GRIK2: variants seen among roughly 807,000 people sequenced by gnomAD.
GRIK2 encodes glutamate ionotropic receptor kainate type subunit 2.
Under a neutral mutation model 100.3 loss-of-function variants are expected in GRIK2, and 32 were observed. That is an observed-to-expected ratio of 0.32 (90% CI 0.24 to 0.43). The LOEUF (loss-of-function observed/expected upper bound fraction) is 0.43. GRIK2 is among the 20% of genes least tolerant of loss of function. The probability of loss-of-function intolerance (pLI) is 1.00; values close to 1 mark genes in which losing one functional copy is unlikely to be tolerated. For synonymous variants in GRIK2, 417 were observed against 389.4 expected (o/e 1.07, Z -0.83); for missense variants, 843 against 1,114.9 (o/e 0.76, Z 3.47).
chr6:101,911,025 C>T (rs1395322120), intron 12 of GRIK2, among the ~76,000 whole-genome samples: 1 of 147,200 alleles, frequency 6.8e-6, no homozygotes, highest in African/African-American at 2.5e-5. Context: ...ACAAACACTG[C>T]ATTTGTATTA....
intron 14 of GRIK2, among the ~76,000 whole-genome samples, chr6:101,995,338 A>C (rs2128493397): frequency 6.6e-6 from 1 of 152,108 alleles, no homozygotes; most frequent in East Asian, 1.9e-4. Flanking sequence ...AAAGCCAAGT[A>C]ACATTTCAAA....
intron 16 of GRIK2, among the ~76,000 whole-genome samples, chr6:102,066,716 A>G (rs1224170803): frequency 6.6e-6 from 1 of 151,630 alleles, no homozygotes; most frequent in Non-Finnish European, 1.5e-5. Flanking sequence ...AGAGGGCTAG[A>G]TCAGAGAAGT....
Position 101,621,992 on chromosome 6 carries a change from G to A in GRIK2, c.159G>A (p.Glu53=). The A allele has an allele frequency of 6.2e-7, 1 of 1,610,106 alleles. No homozygotes were observed. Among genetic ancestry groups the A allele is most frequent in the Non-Finnish European group, 8.5e-7 (1 of 1,176,552 alleles). ...TGGAATCTGGCCCAATGGGAGCTGA[G>A]GAACTTGCATTCAGATTTGCTGTGA... is the stretch of plus-strand genomic sequence containing the variant. ...EYVESGPMGA[E]ELAFRFAVNT... The change falls in exon 3 of 17, where the codon GAG becomes GAA. Residue 53 remains glutamate, a synonymous_variant. Coordinates refer to ENST00000369134, the MANE Select transcript of GRIK2 (RefSeq NM_021956.5).
chr6:101,652,892 T>C (rs2128329279), intron 4 of GRIK2, among the ~76,000 whole-genome samples: 1 of 151,686 alleles, frequency 6.6e-6, no homozygotes, highest in Non-Finnish European at 1.5e-5. Context: ...AATGCGTTTG[T>C]GTTTGCCATA....
intron 4 of GRIK2, among the ~76,000 whole-genome samples, chr6:101,644,442 CA>C (rs1353893538): frequency 2.0e-5 from 3 of 151,494 alleles, no homozygotes; most frequent in Admixed American, 6.6e-5. Context: ...ACAAATGGAT[CA>C]AAAGAGATCA....
intron 2 of GRIK2, among the ~76,000 whole-genome samples, chr6:101,464,497 C>CTTTCTTTTTTT (rs1771513927): frequency 1.6e-5 from 1 of 62,012 alleles, no homozygotes; most frequent in African/African-American, 6.2e-5. Context: ...CTTTTTCTTT[C>CTTTCTTTTTTT]TTTTTTTTTT....
chr6:101,756,823 A>G (rs1301743193), intron 7 of GRIK2, among the ~76,000 whole-genome samples: 2 of 152,218 alleles, frequency 1.3e-5, no homozygotes, highest in African/African-American at 2.4e-5. Flanking sequence ...CTTGTCTGCC[A>G]GTCAATATTT....
intron 4 of GRIK2, among the ~76,000 whole-genome samples, chr6:101,631,518 A>C (rs1414691164): frequency 6.6e-6 from 1 of 152,144 alleles, no homozygotes; most frequent in Non-Finnish European, 1.5e-5. Flanking sequence ...GCTGTCACGT[A>C]AACTATTTCA....
intron 14 of GRIK2, among the ~76,000 whole-genome samples, chr6:101,965,511 T>C (rs1792606814): frequency 6.6e-6 from 1 of 151,890 alleles, no homozygotes; most frequent in African/African-American, 2.4e-5. Context: ...ATAATACCTC[T>C]GTAAAATGTT....
chr6:101,878,511 T>G (rs1786025983), intron 11 of GRIK2, among the ~76,000 whole-genome samples: 1 of 151,930 alleles, frequency 6.6e-6, no homozygotes, highest in Admixed American at 6.6e-5. Flanking sequence ...CATTAAAAGA[T>G]TCTGTGTTAA....
At chr6:101,705,931 A>G (rs539088126) in intron 7 of GRIK2, among the ~76,000 whole-genome samples, 3 of 152,066 alleles carry the variant, frequency 2.0e-5, no homozygotes, top group African/African-American at 7.2e-5. Context: ...ATGTAAGGAG[A>G]CATGCAGATT....
At chr6:101,628,118 T>C (rs996198815) in intron 4 of GRIK2, among the ~76,000 whole-genome samples, 1 of 152,112 alleles carries the variant, frequency 6.6e-6, no homozygotes, top group African/African-American at 2.4e-5. Flanking sequence ...GAATTTAAAT[T>C]CTCTCAAAGT....
intron 1 of GRIK2, among the ~76,000 whole-genome samples, chr6:101,394,129 G>A (rs1038135115): frequency 6.6e-6 from 1 of 152,148 alleles, no homozygotes; most frequent in Non-Finnish European, 1.5e-5. Context: ...GGACGTGTCA[G>A]GAAGTGGCCT....
In GRIK2 at chr6:101,626,444, C is replaced by A. The variant is rs201788540; in HGVS notation, c.348C>A (p.Asn116Lys). ...IFGPSHSSSANAVQSICNALG... is the reference protein window; with the variant it reads ...IFGPSHSSSAKAVQSICNALG... ...GGCCTTCACACAGCTCATCAGCAAA[C>A]GCAGTGCAGTCCATCTGCAATGCTC... is the stretch of plus-strand genomic sequence containing the variant. Residue 116 changes from asparagine to lysine, a missense_variant, in exon 4 of 17, where the codon AAC (asparagine) becomes AAA (lysine). By Grantham distance (94) the Asn-to-Lys change is moderately conservative. This residue lies in a region of GRIK2 where 519 missense variants were observed against 643.8 expected (regional missense o/e 0.81). Transcript: ENST00000369134. 6.2e-7 allele frequency: 1 copy of A among 1,613,350 alleles called. No homozygotes were observed. The highest frequency in any genetic ancestry group is 1.3e-5 in the African/African-American group (1 of 74,884).
intron 3 of GRIK2, among the ~76,000 whole-genome samples, chr6:101,624,139 A>G (rs1352570955): frequency 6.6e-6 from 1 of 152,092 alleles, no homozygotes; most frequent in Non-Finnish European, 1.5e-5. Context: ...TTGATGTATT[A>G]GAGCTTGAAT....
intron 2 of GRIK2, among the ~76,000 whole-genome samples, chr6:101,523,148 C>G (rs567236838): frequency 1.3e-5 from 2 of 152,074 alleles, no homozygotes; most frequent in African/African-American, 4.8e-5. Context: ...TTGAGGAAAT[C>G]CATCTTAGGG....
chr6:101,670,819 G>A (rs989771549), intron 4 of GRIK2, among the ~76,000 whole-genome samples: 17 of 152,080 alleles, frequency 1.1e-4, no homozygotes, highest in Non-Finnish European at 5.9e-5. Context: ...CATTTACTGA[G>A]AGTCTAATAT....
At chr6:101,937,564 C>T (rs1365510552) in intron 14 of GRIK2, among the ~76,000 whole-genome samples, 2 of 152,072 alleles carry the variant, frequency 1.3e-5, no homozygotes, top group African/African-American at 2.4e-5. Context: ...AATACCTTGA[C>T]ATTCTAAAAA....
At chr6:101,633,986 G>C (rs1187245068) in intron 4 of GRIK2, among the ~76,000 whole-genome samples, 1 of 152,068 alleles carries the variant, frequency 6.6e-6, no homozygotes, top group Admixed American at 6.6e-5. Flanking sequence ...TTTATTTTGT[G>C]GGGGTTTTTT....
Sources: allele counts gnomAD v4.1 joint callset (sites outside exome capture counted in the v4.1 genomes callset), GRCh38; gene constraint gnomAD v4.1.1; regional missense constraint gnomAD v4.1.1; transcripts MANE v1.5; gene names NCBI Gene and HGNC (gene_info 2026-07-23, HGNC 2026-07-21).